Variants in TANC2 observed in about 807,000 individuals in gnomAD.
The protein encoded by TANC2 is tetratricopeptide repeat, ankyrin repeat and coiled-coil containing 2, also known as protein TANC2.
Under a neutral mutation model 210.5 loss-of-function variants are expected in TANC2, and 26 were observed. The ratio of observed to expected loss-of-function variants is 0.12; its 90% CI spans 0.09 to 0.17. The LOEUF (loss-of-function observed/expected upper bound fraction) is 0.17. TANC2 is among the 10% of genes least tolerant of loss of function. The pLI, the probability that TANC2 is intolerant of heterozygous loss-of-function variation, is 1.00. For missense variants in TANC2, 2,129 were observed against 2,608.9 expected, an observed-to-expected ratio of 0.82 and a Z score of 4.01; for synonymous variants, 931 against 967.1, an observed-to-expected ratio of 0.96 and a Z score of 0.69.
intron 10 of TANC2, among the ~76,000 whole-genome samples, chr17:63,315,613 A>C (rs2045289934): frequency 6.6e-6 from 1 of 152,256 alleles, no homozygotes; most frequent in Non-Finnish European, 1.5e-5. Flanking sequence ...TTGCTTTGTT[A>C]GTCCAAATCA....
At chr17:63,009,496 A>G (rs1039810268) in intron 1 of TANC2, 41 bp from the exon 2 acceptor site, 1 of 1,444,218 alleles carries the variant, frequency 6.9e-7, no homozygotes, top group African/African-American at 1.4e-5. Flanking sequence ...CTATGAAAAT[A>G]AAGTTTTCTT....
intron 10 of TANC2, among the ~76,000 whole-genome samples, 154 bp from the exon 11 acceptor site, chr17:63,318,803 G>A (rs528005730): frequency 6.6e-6 from 1 of 152,270 alleles, no homozygotes; most frequent in African/African-American, 2.4e-5. Flanking sequence ...GTGAACACTT[G>A]TGTACAAGTT....
rs553675453 is a variant in TANC2 at position 63,062,698 on chromosome 17, G to A, written c.68-11245G>A. Among the ~76,000 whole-genome samples, 3 of 152,174 alleles carry A rather than the reference G, an allele frequency of 2.0e-5. No homozygotes were observed. The East Asian group carries it at 5.8e-4, about 29-fold the overall frequency. On this transcript the variant is annotated intron_variant, in intron 2 of 27. Coordinates refer to ENST00000689528, the Ensembl canonical transcript of TANC2. ...CATTTAGATGCTCATTAAGTTTCAG[G>A]TCTATAGCTGTTTTGTTTGTTCTTA...
chr17:63,129,642 G>A (rs557907905), intron 4 of TANC2, among the ~76,000 whole-genome samples: 1 of 152,234 alleles, frequency 6.6e-6, no homozygotes, highest in East Asian at 1.9e-4. Flanking sequence ...ATAAGTAGCT[G>A]TACATGAGAA....
chr17:63,068,679 GAT>G (rs2036290113), intron 2 of TANC2, among the ~76,000 whole-genome samples: 1 of 152,118 alleles, frequency 6.6e-6, no homozygotes, highest in South Asian at 2.1e-4. Context: ...ATTGCTGGAT[GAT>G]ATAGTTTCAT....
intron 17 of TANC2, chr17:63,391,517 C>G (rs2047972461): frequency 6.6e-6 from 1 of 152,016 alleles, no homozygotes; most frequent in Non-Finnish European, 1.5e-5. Flanking sequence ...AGAGATAAAG[C>G]CTTTTTTTAA....
intron 1 of TANC2, among the ~76,000 whole-genome samples, chr17:63,005,576 C>A (rs1317381030): frequency 2.6e-5 from 4 of 151,108 alleles, no homozygotes; most frequent in Non-Finnish European, 5.9e-5. Context: ...ACTTTTCAAT[C>A]CATGAACATG....
At chr17:63,339,538 C>T (rs920954445) in intron 11 of TANC2, among the ~76,000 whole-genome samples, 1 of 152,208 alleles carries the variant, frequency 6.6e-6, no homozygotes, top group Admixed American at 6.5e-5. Flanking sequence ...AATTCTGATA[C>T]TCTTTTTCTG....
chr17:63,215,289 C>T (rs1358088098), intron 7 of TANC2, among the ~76,000 whole-genome samples: 1 of 152,170 alleles, frequency 6.6e-6, no homozygotes, highest in Non-Finnish European at 1.5e-5. Context: ...TAAACCATTC[C>T]ATCAACCAAC....
chr17:63,006,317 T>G (rs2033625043), intron 1 of TANC2, among the ~76,000 whole-genome samples: 1 of 152,126 alleles, frequency 6.6e-6, no homozygotes, highest in Non-Finnish European at 1.5e-5. Flanking sequence ...TGAGTTTTTA[T>G]TTGCTGCTTG....
chr17:63,327,908 A>G (rs1220710675), intron 11 of TANC2, among the ~76,000 whole-genome samples: 2 of 152,088 alleles, frequency 1.3e-5, no homozygotes, highest in Non-Finnish European at 2.9e-5. Flanking sequence ...ATAACTGCTA[A>G]TGCTATCCCT....
At chr17:62,969,973 T>C (rs2031599906) in intron 1 of TANC2, among the ~76,000 whole-genome samples, 1 of 152,222 alleles carries the variant, frequency 6.6e-6, no homozygotes, top group Admixed American at 6.5e-5. Context: ...TTATAAGATA[T>C]TGACCACATA....
intron 7 of TANC2, among the ~76,000 whole-genome samples, chr17:63,231,999 G>A (rs1356558069): frequency 6.6e-6 from 1 of 152,036 alleles, no homozygotes; most frequent in Non-Finnish European, 1.5e-5. Context: ...TCTTATTTCA[G>A]CAAGTTAGTC....
chr17:62,984,513 G>A lies in TANC2; in HGVS notation c.-24+17764G>A, dbSNP rs192084715. On this transcript the variant is annotated intron_variant, in intron 1 of 27. Coordinates refer to ENST00000689528, the Ensembl canonical transcript of TANC2. ...CTTCTGTTAATTTTGGGTTCGGCTT[G>A]TTCTTGCTTTTCTAGTTCCTTTGAG... Among the ~76,000 whole-genome samples the A allele has an allele frequency of 1.2e-4, 18 of 151,812 alleles. No homozygotes were observed. The East Asian group carries it at 3.3e-3, about 28-fold the overall frequency.
chr17:63,133,409 G>GT (rs1177251113), intron 4 of TANC2, among the ~76,000 whole-genome samples: 1 of 151,954 alleles, frequency 6.6e-6, no homozygotes, highest in Non-Finnish European at 1.5e-5. Context: ...CTGGCCAGTA[G>GT]TTTTTTACTT....
At chr17:62,998,992 A>G (rs550092935) in intron 1 of TANC2, among the ~76,000 whole-genome samples, 1 of 152,240 alleles carries the variant, frequency 6.6e-6, no homozygotes, top group Non-Finnish European at 1.5e-5. Context: ...TTCCTATTCT[A>G]ATTTCAGACA....
chr17:63,068,021 A>C (rs1317904824), intron 2 of TANC2, among the ~76,000 whole-genome samples: 1 of 152,216 alleles, frequency 6.6e-6, no homozygotes, highest in Non-Finnish European at 1.5e-5. Flanking sequence ...CTATGTGATC[A>C]ATCTGCTGAA....
intron 8 of TANC2, among the ~76,000 whole-genome samples, chr17:63,244,775 C>T (rs953210787): frequency 6.6e-6 from 1 of 152,186 alleles, no homozygotes; most frequent in Non-Finnish European, 1.5e-5. Flanking sequence ...ATAGCTCCCA[C>T]AATTCCCAAG....
chr17:63,371,038 G>A (rs186498957), intron 14 of TANC2, among the ~76,000 whole-genome samples: 18 of 152,244 alleles, frequency 1.2e-4, no homozygotes, highest in Non-Finnish European at 1.8e-4. Context: ...ATTAGCCTCC[G>A]TAATATAAAG....
Sources: allele counts gnomAD v4.1 joint callset (sites outside exome capture counted in the v4.1 genomes callset), GRCh38; gene constraint gnomAD v4.1.1; transcripts MANE v1.5; gene names NCBI Gene and HGNC (gene_info 2026-07-23, HGNC 2026-07-21).